RNF220: variants seen among roughly 807,000 people sequenced by gnomAD.
RNF220 encodes the protein E3 ubiquitin-protein ligase RNF220.
In RNF220, 7 loss-of-function variants were observed where a neutral mutation model predicts 67.1. That is an observed-to-expected ratio of 0.10 (90% CI 0.06 to 0.20). The LOEUF is 0.20. Ranked by LOEUF, RNF220 falls within the 10% of genes least tolerant of loss-of-function variation. RNF220 has a pLI of 1.00. For synonymous variants in RNF220, 270 were observed against 283.2 expected (o/e 0.95, Z 0.47); for missense variants, 565 against 740.3 (o/e 0.76, Z 2.75).
chr1:44,442,126 ATTTCTTTTTT>A (rs1469723869), intron 2 of RNF220, among the ~76,000 whole-genome samples: 4 of 152,016 alleles, frequency 2.6e-5, no homozygotes, highest in Admixed American at 2.6e-4. Flanking sequence ...TTGAAAAGAC[ATTTCTTTTTT>A]TTTCTTTTTT....
intron 2 of RNF220, among the ~76,000 whole-genome samples, chr1:44,416,460 C>G (rs541375367): frequency 3.3e-5 from 5 of 152,336 alleles, no homozygotes; most frequent in African/African-American, 9.6e-5. Context: ...ACATTTATTA[C>G]CCCCTTAGCA....
chr1:44,559,417 A>T (rs529773804), intron 2 of RNF220, among the ~76,000 whole-genome samples: 20 of 152,400 alleles, frequency 1.3e-4, no homozygotes, highest in African/African-American at 4.6e-4. Flanking sequence ...AGATAAGTGA[A>T]GAGCAAACCC....
chr1:44,564,367 C>T (rs1663818285), intron 2 of RNF220, among the ~76,000 whole-genome samples: 1 of 152,132 alleles, frequency 6.6e-6, no homozygotes, highest in African/African-American at 2.4e-5. Flanking sequence ...CTGGATCTCT[C>T]CCCAGAGATT....
At chr1:44,635,897 T>C in intron 7 of RNF220, 133 bp from the exon 8 acceptor site, 1 of 1,484,180 alleles carries the variant, frequency 6.7e-7, no homozygotes, top group Non-Finnish European at 9.1e-7. Flanking sequence ...ATTGGTTTGC[T>C]TCAAAGGAGC....
intron 2 of RNF220, among the ~76,000 whole-genome samples, chr1:44,429,342 A>G (rs6679081): frequency 0.3 from 45,441 of 152,182 alleles, 8,121 homozygotes; most frequent in Non-Finnish European, 0.4. Flanking sequence ...AGTTAAATAT[A>G]TTCCTTCTAA....
chr1:44,619,214 T>C (rs1335895343), intron 3 of RNF220, among the ~76,000 whole-genome samples: 4 of 152,144 alleles, frequency 2.6e-5, no homozygotes, highest in African/African-American at 9.7e-5. Flanking sequence ...CTTGGCTTGG[T>C]GGGGCCTGAA....
In RNF220 at chr1:44,600,778, G is replaced by A. The variant is rs544764101; in HGVS notation, c.626-13387G>A. Reference sequence around the variant, plus strand: ...AGAGGTTGCAGTGAGCTGAGATAGCGCCATTGCACTCCAGCCTGGGCAACA... The same window carrying A: ...AGAGGTTGCAGTGAGCTGAGATAGCACCATTGCACTCCAGCCTGGGCAACA... On this transcript the variant is annotated intron_variant, in intron 2 of 14. Transcript: ENST00000361799. The surrounding 1 kb of genome is among the most constrained non-coding windows in gnomAD (Gnocchi z 4.0). Among the ~76,000 whole-genome samples, 51 of 151,696 alleles carry A rather than the reference G, an allele frequency of 3.4e-4. No individual in the cohort carries two copies. The East Asian group carries it at 8.5e-3, about 25-fold the overall frequency.
At chr1:44,547,102 G>A (rs1310260831) in intron 2 of RNF220, among the ~76,000 whole-genome samples, 1 of 152,202 alleles carries the variant, frequency 6.6e-6, no homozygotes, top group Admixed American at 6.5e-5. Context: ...CTGTGGACAC[G>A]AGAGCCCCCA....
intron 4 of RNF220, among the ~76,000 whole-genome samples, chr1:44,625,111 T>C (rs191091844): frequency 6.6e-6 from 1 of 152,166 alleles, no homozygotes; most frequent in East Asian, 1.9e-4. Flanking sequence ...TGACCCACAC[T>C]GTTCCCCCTC....
intron 2 of RNF220, among the ~76,000 whole-genome samples, chr1:44,434,072 T>C (rs557331839): frequency 6.6e-6 from 1 of 152,222 alleles, no homozygotes; most frequent in Non-Finnish European, 1.5e-5. Flanking sequence ...GATTAGTTAT[T>C]TGTCATTTAA....
chr1:44,467,843 T>G (rs1028581248), intron 2 of RNF220, among the ~76,000 whole-genome samples: 1 of 152,188 alleles, frequency 6.6e-6, no homozygotes, highest in Non-Finnish European at 1.5e-5. Flanking sequence ...TTCCAGCTTT[T>G]GATTTAAAGT....
At chr1:44,469,343 T>G (rs1654577728) in intron 2 of RNF220, among the ~76,000 whole-genome samples, 1 of 152,154 alleles carries the variant, frequency 6.6e-6, no homozygotes, top group Non-Finnish European at 1.5e-5. Context: ...CTTTAATTCT[T>G]TATGGTACCC....
Position 44,622,516 on chromosome 1 carries a change from C to G in RNF220, c.759-226C>G, listed in dbSNP as rs1011052210. ...TACCATGCCTAGTGTCTGTGTCTCC[C>G]TCCCAGGGGCCAGCACTAGCCCTTG... On this transcript the variant is annotated intron_variant, in intron 3 of 14. Coordinates refer to ENST00000361799, the MANE Select transcript of RNF220 (RefSeq NM_018150.4). This position sits in a 1 kb window ranked among gnomAD's most constrained non-coding sequence, Gnocchi z 4.3. Among the ~76,000 whole-genome samples, 22 of 152,184 alleles carry G rather than the reference C, an allele frequency of 1.4e-4. No individual in the cohort carries two copies. The highest frequency in any genetic ancestry group is 5.1e-4 in the African/African-American group (21 of 41,436).
rs145456477 is a variant in RNF220 at position 44,448,736 on chromosome 1, C to T, written c.625+36014C>T. On this transcript the variant is annotated intron_variant, in intron 2 of 14. Coordinates refer to ENST00000361799, the MANE Select transcript of RNF220 (RefSeq NM_018150.4). ...GTGTCTCGCCCTTGCCCTCAAGATG[C>T]TTCCAACGTAATTGAGAACATTAGA... Among the ~76,000 whole-genome samples, 245 of 152,316 alleles carry T rather than the reference C, an allele frequency of 1.6e-3. 1 individual carries two copies. The highest frequency in any genetic ancestry group is 5.5e-3 in the African/African-American group (229 of 41,572).
intron 2 of RNF220, among the ~76,000 whole-genome samples, chr1:44,581,635 C>T (rs182514890): frequency 1.2e-3 from 179 of 152,220 alleles, no homozygotes; most frequent in African/African-American, 3.9e-3. Flanking sequence ...CTTTGAGGGA[C>T]TCTGGAGAGA....
intron 2 of RNF220, among the ~76,000 whole-genome samples, chr1:44,510,354 T>C (rs1180962021): frequency 6.6e-6 from 1 of 151,920 alleles, no homozygotes; most frequent in African/African-American, 2.4e-5. Flanking sequence ...CTCCCTCAGC[T>C]ACCCCAGGGC....
At chr1:44,543,198 C>T (rs896500557) in intron 2 of RNF220, among the ~76,000 whole-genome samples, 1 of 152,154 alleles carries the variant, frequency 6.6e-6, no homozygotes, top group African/African-American at 2.4e-5. Context: ...GAGACCTCCC[C>T]GTCAGACCCC....
At chr1:44,453,778 A>G (rs1652911533) in intron 2 of RNF220, among the ~76,000 whole-genome samples, 1 of 152,122 alleles carries the variant, frequency 6.6e-6, no homozygotes. Flanking sequence ...ATATTGGAGC[A>G]ATATTAGTTT....
At chr1:44,523,973 C>T (rs1049586842) in intron 2 of RNF220, among the ~76,000 whole-genome samples, 3 of 152,200 alleles carry the variant, frequency 2.0e-5, no homozygotes, top group African/African-American at 7.2e-5. Flanking sequence ...AGAGCAGCGG[C>T]ATTGTGAGTC....
Sources: gnomAD v4.1 joint callset for allele counts (sites outside exome capture counted in the v4.1 genomes callset) on GRCh38, gnomAD v4.1.1 for gene constraint, Gnocchi (gnomAD v3.1) non-coding constraint, MANE v1.5 for transcripts, NCBI Gene and HGNC (gene_info 2026-07-23, HGNC 2026-07-21) for gene names.